Variants in BMP3 observed in about 807,000 individuals in gnomAD.
BMP3 encodes the protein bone morphogenetic protein 3 (osteogenic).
BMP3 carries 23 observed loss-of-function variants against 38.1 expected under a neutral mutation model. The observed-to-expected ratio is 0.60, with a 90% CI of 0.43 to 0.86. The LOEUF (loss-of-function observed/expected upper bound fraction) is 0.86. Ranked by LOEUF, BMP3 falls within the 40% of genes least tolerant of loss-of-function variation. BMP3 has a pLI of 0.00. For synonymous variants in BMP3, 258 were observed against 225.7 expected, an observed-to-expected ratio of 1.14 and a Z score of -1.28; for missense variants, 628 against 579.6, an observed-to-expected ratio of 1.08 and a Z score of -0.86.
rs376976397 is a variant in BMP3, at chr4:81,031,266, G to C, written c.-19G>C. On this transcript the variant is annotated 5_prime_UTR_variant, in exon 1 of 3. Transcript: ENST00000282701. ...CCGCAGCGACGCCGGGAGCCGACGCGCCGCGCGGGTACCTAGCCATGGCTG... is the reference window on the plus strand; with the variant it reads ...CCGCAGCGACGCCGGGAGCCGACGCCCCGCGCGGGTACCTAGCCATGGCTG... The C allele has an allele frequency of 8.3e-6, 13 of 1,566,966 alleles. No individual in the cohort carries two copies. In the African/African-American group the frequency reaches 1.6e-4, roughly 20 times the overall value.
chr4:81,031,598 C>G lies in BMP3; in HGVS notation c.314C>G (p.Ala105Gly). 1.3e-6 allele frequency: 2 copies of G among 1,588,434 alleles called. No homozygotes were observed. Among genetic ancestry groups the G allele is most frequent in the East Asian group, 2.3e-5 (1 of 44,284 alleles). The change falls in exon 1 of 3, where the codon GCA becomes GGA. Residue 105 changes from alanine to glycine, a missense_variant and splice_region_variant. Coordinates refer to ENST00000282701, the MANE Select transcript of BMP3 (RefSeq NM_001201.5). ...GTTCGCAGCTTTCGGGCGGCAGCAG[C>G]AGGTGAGTGCGCGAGGTGAGACTCC... ...NTVRSFRAAA[A>G]ETLERKGLYI... is the part of the protein sequence containing the mutation.
intron 1 of BMP3, among the ~76,000 whole-genome samples, chr4:81,031,980 T>C (rs1739786405): frequency 6.6e-6 from 1 of 152,000 alleles, no homozygotes; most frequent in South Asian, 2.1e-4. Flanking sequence ...CCAGCGGAAA[T>C]TCCTTTGGAC....
rs1414520840 is a variant in BMP3, at chr4:81,045,592, T to G, written c.317-146T>G. 6 of 593,680 alleles carry G rather than the reference T, an allele frequency of 1.0e-5. No homozygotes were observed. The East Asian group carries it at 1.2e-4, about 12-fold the overall frequency. The allele number at this position is 593,680 out of a possible 1,614,324, so 36.8% of individuals were successfully genotyped here. On this transcript the variant is annotated intron_variant, in intron 1 of 2. Transcript: ENST00000282701. ...GAAGTCATTGCCAAATTCAAAGTCA[T>G]GAAGATTTACCCCTAGGTTTCTTTC...
In BMP3 at chr4:81,046,525, G is replaced by A. The variant is rs915981277; in HGVS notation, c.1104G>A (p.Arg368=). The A allele has an allele frequency of 2.5e-6, 4 of 1,613,980 alleles. No individual in the cohort carries two copies. The South Asian group carries it at 4.4e-5, about 18-fold the overall frequency. ...KARRKQWIEP[R]NCARRYLKVD... The stretch of plus-strand genomic sequence containing the variant: ...GGAGAAAGCAGTGGATTGAACCTCG[G>A]AATTGCGCCAGGAGATACCTCAAGG... Residue 368 remains arginine, a synonymous_variant, in exon 2 of 3, where the codon CGG becomes CGA. Transcript: ENST00000282701.
chr4:81,033,698 G>T (rs1369526601), intron 1 of BMP3, among the ~76,000 whole-genome samples: 1 of 152,152 alleles, frequency 6.6e-6, no homozygotes, highest in Non-Finnish European at 1.5e-5. Context: ...TTATAAGGCA[G>T]TTCTGGCTCT....
In BMP3 at chr4:81,056,926, T is replaced by C. The variant is rs1427808468; in HGVS notation, c.*3390T>C. 1 of 152,656 alleles carries C rather than the reference T, an allele frequency of 6.6e-6. No homozygotes were observed. Among genetic ancestry groups the C allele is most frequent in the Non-Finnish European group, 1.5e-5 (1 of 68,044 alleles). 9.5% of individuals were successfully genotyped at this position (152,656 alleles called of 1,614,324 possible). On this transcript the variant is annotated 3_prime_UTR_variant, in exon 3 of 3. Transcript: ENST00000282701. Reference sequence around the variant, plus strand: ...TAGTCTTTCTGCTTTCACTTTTCTCTGTGCTAACAAGTAACTAATGTCTGG... The same window carrying C: ...TAGTCTTTCTGCTTTCACTTTTCTCCGTGCTAACAAGTAACTAATGTCTGG...
chr4:81,048,882 T>G (rs1740332891), intron 2 of BMP3, among the ~76,000 whole-genome samples: 1 of 152,206 alleles, frequency 6.6e-6, no homozygotes, highest in Non-Finnish European at 1.5e-5. Context: ...ATTCTGCATA[T>G]CTAACAAGTT....
intron 1 of BMP3, among the ~76,000 whole-genome samples, chr4:81,035,566 T>C (rs1242287838): frequency 6.6e-6 from 1 of 152,122 alleles, no homozygotes; most frequent in African/African-American, 2.4e-5. Context: ...ATTTTATATT[T>C]GGAAGAAGCA....
At chr4:81,047,287 G>A (rs4270580) in intron 2 of BMP3, among the ~76,000 whole-genome samples, 139,491 of 152,154 alleles carry the variant, frequency 0.92, 65,071 homozygotes, top group East Asian at 1. Flanking sequence ...TCAACCTTTC[G>A]GAGCTTACCT....
At chr4:81,040,190 A>G (rs966500753) in intron 1 of BMP3, among the ~76,000 whole-genome samples, 2 of 152,252 alleles carry the variant, frequency 1.3e-5, no homozygotes, top group Non-Finnish European at 2.9e-5. Flanking sequence ...CTAGGCTGCA[A>G]TAAATACATT....
chr4:81,032,894 A>T (rs1223280118), intron 1 of BMP3, among the ~76,000 whole-genome samples: 2 of 152,236 alleles, frequency 1.3e-5, no homozygotes, highest in Admixed American at 6.5e-5. Flanking sequence ...CATGAGCATG[A>T]TCTGTGAGGA....
chr4:81,044,576 A>G (rs937197726), intron 1 of BMP3, among the ~76,000 whole-genome samples: 2 of 152,218 alleles, frequency 1.3e-5, no homozygotes, highest in Non-Finnish European at 2.9e-5. Context: ...TAGTTCCAAA[A>G]TATTTCCACA....
chr4:81,046,609 C>G lies in BMP3; in HGVS notation c.1188C>G (p.Ala396=), dbSNP rs376180245. 3 of 1,613,744 alleles carry G rather than the reference C, an allele frequency of 1.9e-6. No individual in the cohort carries two copies. Among genetic ancestry groups the G allele is most frequent in the Non-Finnish European group, 2.5e-6 (3 of 1,179,880 alleles). ...TTATCTCCCCCAAGTCCTTTGATGCCTATTATTGCTCTGGAGCATGCCAGT... is the reference window on the plus strand; with the variant it reads ...TTATCTCCCCCAAGTCCTTTGATGCGTATTATTGCTCTGGAGCATGCCAGT... ...EWIISPKSFD[A]YYCSGACQFP... The change falls in exon 2 of 3, where the codon GCC becomes GCG. Residue 396 remains alanine (A), a synonymous_variant. Coordinates refer to ENST00000282701, the MANE Select transcript of BMP3 (RefSeq NM_001201.5).
chr4:81,039,873 G>A (rs1283888611), intron 1 of BMP3, among the ~76,000 whole-genome samples: 2 of 152,134 alleles, frequency 1.3e-5, no homozygotes, highest in African/African-American at 2.4e-5. Flanking sequence ...AAGGAGCAAA[G>A]GTGTAATGAA....
intron 1 of BMP3, among the ~76,000 whole-genome samples, chr4:81,035,866 TC>T (rs1341573655): frequency 6.6e-6 from 1 of 152,100 alleles, no homozygotes; most frequent in East Asian, 1.9e-4. Flanking sequence ...GCGAATACTT[TC>T]TCCTGGAGAA....
chr4:81,053,337 TTCTC>T lies in BMP3; in HGVS notation c.1228-6_1228-3del, dbSNP rs1740444808. 6.5e-7 allele frequency: 1 copy of T among 1,538,998 alleles called. No individual in the cohort carries two copies. On this transcript the variant is annotated splice_polypyrimidine_tract_variant and splice_region_variant and intron_variant, in intron 2 of 2. Transcript: ENST00000282701. ...ACATATGTGTTCTTCTTTCATTTCTTTCTCTAGTCTTTGAAGCCATCAAATCATG... is the reference window on the plus strand; with the variant it reads ...ACATATGTGTTCTTCTTTCATTTCTTTAGTCTTTGAAGCCATCAAATCATG...
At chr4:81,033,624 G>C (rs1036756703) in intron 1 of BMP3, among the ~76,000 whole-genome samples, 1 of 152,126 alleles carries the variant, frequency 6.6e-6, no homozygotes, top group African/African-American at 2.4e-5. Context: ...TGAGGCTCCT[G>C]GTGAGGTGGT....
intron 1 of BMP3, among the ~76,000 whole-genome samples, chr4:81,036,438 G>A (rs1035180556): frequency 4.6e-5 from 7 of 151,914 alleles, no homozygotes; most frequent in South Asian, 2.1e-4. Flanking sequence ...CAGGATTTTT[G>A]TGCTTCAGTA....
chr4:81,048,342 C>T (rs989104850), intron 2 of BMP3, among the ~76,000 whole-genome samples: 1 of 152,168 alleles, frequency 6.6e-6, no homozygotes, highest in African/African-American at 2.4e-5. Context: ...TGTCTTTAAA[C>T]CCAGGATGAC....
Sources: allele counts gnomAD v4.1 joint callset (sites outside exome capture counted in the v4.1 genomes callset), GRCh38; gene constraint gnomAD v4.1.1; transcripts MANE v1.5; gene names NCBI Gene and HGNC (gene_info 2026-07-23, HGNC 2026-07-21).